INO80: variants seen among roughly 807,000 people sequenced by gnomAD.
INO80 encodes chromatin-remodeling ATPase INO80.
INO80 carries 20 observed loss-of-function variants against 203.4 expected under a neutral mutation model. The ratio of observed to expected loss-of-function variants is 0.10; its 90% CI spans 0.07 to 0.14. The LOEUF (loss-of-function observed/expected upper bound fraction) is 0.14. INO80 is among the 10% of genes least tolerant of loss of function. The pLI, the probability that INO80 is intolerant of heterozygous loss-of-function variation, is 1.00. For synonymous variants in INO80, 726 were observed against 685.2 expected, an observed-to-expected ratio of 1.06 and a Z score of -0.93; for missense variants, 1,419 against 1,914.4, an observed-to-expected ratio of 0.74 and a Z score of 4.83.
intron 14 of INO80, among the ~76,000 whole-genome samples, chr15:41,067,680 A>G (rs2045244785): frequency 6.6e-6 from 1 of 152,200 alleles, no homozygotes; most frequent in African/African-American, 2.4e-5. Context: ...TATTCCATAC[A>G]AAGCATAAGC....
At chr15:41,114,065 G>A (rs867411107) in intron 1 of INO80, among the ~76,000 whole-genome samples, 2 of 151,934 alleles carry the variant, frequency 1.3e-5, no homozygotes, top group African/African-American at 4.8e-5. Context: ...TCAGGGGCTC[G>A]AGACCAGCCT....
chr15:41,012,716 T>C (rs139047429), intron 27 of INO80, among the ~76,000 whole-genome samples: 51 of 152,308 alleles, frequency 3.3e-4, no homozygotes, highest in African/African-American at 1.1e-3. Context: ...AGCAGTCTCC[T>C]CTTCACTATT....
At chr15:41,085,847 C>A (rs560301345) in intron 6 of INO80, among the ~76,000 whole-genome samples, 1 of 152,214 alleles carries the variant, frequency 6.6e-6, no homozygotes, top group African/African-American at 2.4e-5. Context: ...AGAATAAAAC[C>A]CGAGAACCAA....
At chr15:40,981,852 G>A (rs1051471160) in intron 35 of INO80, among the ~76,000 whole-genome samples, 6 of 152,100 alleles carry the variant, frequency 3.9e-5, no homozygotes, top group Admixed American at 3.3e-4. Context: ...GACTCCTACT[G>A]CTCCTCTTCC....
chr15:41,090,824 A>T (rs2140653565), intron 5 of INO80, among the ~76,000 whole-genome samples: 1 of 147,276 alleles, frequency 6.8e-6, no homozygotes, highest in South Asian at 2.1e-4. Flanking sequence ...ACCTAAAGTT[A>T]AAATGATGTA....
At chr15:41,092,730 T>C (rs975811224) in intron 4 of INO80, among the ~76,000 whole-genome samples, 2 of 152,148 alleles carry the variant, frequency 1.3e-5, no homozygotes, top group African/African-American at 4.8e-5. Flanking sequence ...AAGTCAATCA[T>C]AAAAGGTCAC....
intron 1 of INO80, among the ~76,000 whole-genome samples, chr15:41,107,472 G>A (rs1219618948): frequency 6.6e-6 from 1 of 152,142 alleles, no homozygotes; most frequent in Non-Finnish European, 1.5e-5. Context: ...CTGCACTCCA[G>A]CCCAGGTGAC....
intron 14 of INO80, among the ~76,000 whole-genome samples, chr15:41,061,290 A>C (rs149788872): frequency 7.9e-5 from 12 of 152,066 alleles, no homozygotes; most frequent in African/African-American, 2.9e-4. Flanking sequence ...ACAGAGCAAG[A>C]CTTTGTTTCA....
At chr15:40,995,527 AG>A (rs1478178666) in intron 29 of INO80, among the ~76,000 whole-genome samples, 1 of 152,218 alleles carries the variant, frequency 6.6e-6, no homozygotes, top group African/African-American at 2.4e-5. Context: ...TAATTGATGA[AG>A]AATTCCTGAA....
rs1893752825 is a variant in INO80 at position 40,979,899 on chromosome 15, A to T, written c.*324T>A. ...GAGCCGAAGAGTGGAATCGGGATGG[A>T]AACAGTATGCCTGAGCATCTAAAGG... On this transcript the variant is annotated 3_prime_UTR_variant, in exon 36 of 36. Transcript: ENST00000648947. 1 of 353,694 alleles carries T rather than the reference A, an allele frequency of 2.8e-6. No individual in the cohort carries two copies. Among genetic ancestry groups the T allele is most frequent in the Admixed American group, 4.2e-5 (1 of 23,982 alleles). 21.9% of individuals were successfully genotyped at this position (353,694 alleles called of 1,614,324 possible).
rs541419231 is a variant in INO80, at chr15:40,989,302, G to T, written c.3571-1328C>A. Among the ~76,000 whole-genome samples, 3 of 152,304 alleles carry T rather than the reference G, an allele frequency of 2.0e-5. No homozygotes were observed. In the South Asian group the frequency reaches 6.2e-4, roughly 32 times the overall value. On this transcript the variant is annotated intron_variant, in intron 29 of 35. Transcript: ENST00000648947. ...GATGGAATGTTTAAAGGGTTCTCTG[G>T]AAGTGACTTCTAGTTTGCTGAGCAA...
intron 14 of INO80, among the ~76,000 whole-genome samples, chr15:41,060,445 G>A (rs1186870141): frequency 6.6e-6 from 1 of 152,030 alleles, no homozygotes; most frequent in African/African-American, 2.4e-5. Flanking sequence ...AATTAGCCGG[G>A]TGTGGTGGCA....
At chr15:41,085,321 G>A (rs767739396) in intron 7 of INO80, 48 bp downstream of exon 7, 58 of 1,502,132 alleles carry the variant, frequency 3.9e-5, no homozygotes, top group Non-Finnish European at 5.1e-5. Flanking sequence ...AGTGGGTGGG[G>A]AGAGAAAACA....
At chr15:41,078,219 A>G (rs57008457) in intron 9 of INO80, among the ~76,000 whole-genome samples, 17,578 of 152,108 alleles carry the variant, frequency 0.12, 3,157 homozygotes, top group African/African-American at 0.38. Flanking sequence ...CTTTAACCCT[A>G]AAGAAGTTAA....
intron 33 of INO80, 45 bp from the exon 34 acceptor site, chr15:40,983,966 C>G: frequency 2.5e-6 from 4 of 1,592,258 alleles, no homozygotes; most frequent in Non-Finnish European, 3.4e-6. Context: ...CTGTGCTCAC[C>G]GCCCATGGCC....
chr15:41,006,296 G>T (rs1231279161), intron 27 of INO80, among the ~76,000 whole-genome samples: 1 of 152,082 alleles, frequency 6.6e-6, no homozygotes, highest in African/African-American at 2.4e-5. Flanking sequence ...ATACAATAGA[G>T]AGACTGCCTC....
chr15:41,086,996 T>C (rs542343966), intron 6 of INO80, among the ~76,000 whole-genome samples: 16 of 152,346 alleles, frequency 1.1e-4, no homozygotes, highest in African/African-American at 3.8e-4. Flanking sequence ...GCCTAAACCT[T>C]TAGCTAGGAA....
chr15:41,060,883 T>G (rs1001271357), intron 14 of INO80, among the ~76,000 whole-genome samples: 1 of 152,198 alleles, frequency 6.6e-6, no homozygotes, highest in South Asian at 2.1e-4. Context: ...CTCTATAGCT[T>G]TTCCTATACA....
At position 41,047,307 on chromosome 15, in the gene INO80, T is replaced by C. The variant is rs1596290492; in HGVS notation, c.2735+101A>G. 2.6e-5 allele frequency: 20 copies of C among 783,086 alleles called. No individual in the cohort carries two copies. The East Asian group carries it at 5.4e-4, about 21-fold the overall frequency. The allele number at this position is 783,086 out of a possible 1,614,324, so 48.5% of individuals were successfully genotyped here. A position where few individuals can be genotyped will look rare whatever the true frequency, so the allele number is the denominator to read the frequency against. ...ACAAAAGAAAATTAATGACAAGTTC[T>C]CTAAGATGATATCATATTAAATATT... On this transcript the variant is annotated intron_variant, in intron 23 of 35. Coordinates refer to ENST00000648947, the MANE Select transcript of INO80 (RefSeq NM_017553.3).
Sources: allele counts gnomAD v4.1 joint callset (sites outside exome capture counted in the v4.1 genomes callset), GRCh38; gene constraint gnomAD v4.1.1; transcripts MANE v1.5; gene names NCBI Gene and HGNC (gene_info 2026-07-23, HGNC 2026-07-21).